The following FREM2 variants were observed in gnomAD, a reference collection of about 807,000 sequenced individuals.
FREM2 encodes the protein FRAS1-related extracellular matrix protein 2.
In FREM2, 119 loss-of-function variants were observed where a neutral mutation model predicts 219.9. The observed-to-expected ratio is 0.54, with a 90% CI of 0.47 to 0.63. The LOEUF is 0.63. FREM2 is among the 30% of genes least tolerant of loss of function. The probability of loss-of-function intolerance (pLI) is 0.00; values close to 1 mark genes in which losing one functional copy is unlikely to be tolerated. For synonymous variants in FREM2, 1,562 were observed against 1,522.8 expected (o/e 1.03, Z -0.60); for missense variants, 4,030 against 3,993.6 (o/e 1.01, Z -0.25).
chr13:38,699,827 A>G (rs926812751), intron 2 of FREM2, among the ~76,000 whole-genome samples: 1 of 152,142 alleles, frequency 6.6e-6, no homozygotes, highest in Non-Finnish European at 1.5e-5. Flanking sequence ...GCATTGCCGT[A>G]TAAATCTTCT....
rs1399280099 is a variant in FREM2 at position 38,872,846 on chromosome 13, G to T, written c.8088G>T (p.Leu2696Phe). 1 of 1,614,010 alleles carries T rather than the reference G, an allele frequency of 6.2e-7. No individual in the cohort carries two copies. The highest frequency in any genetic ancestry group is 1.7e-5 in the Admixed American group (1 of 60,012). Residue 2696 changes from leucine (L) to phenylalanine (F), a missense_variant, in exon 17 of 24, where the codon TTG (leucine) becomes TTT (phenylalanine). Leu to Phe is a conservative substitution (Grantham distance 22). Around this residue, in one of 2 missense-constraint regions of FREM2, gnomAD observed 928 missense variants for 1,042.9 expected, o/e 0.89. Transcript: ENST00000280481. The stretch of plus-strand genomic sequence containing the variant: ...TAGGAGGCTGGCAGCATTTTGACTT[G>T]AAGTCAGAGCTTCGTCTAACTTTTG... ...VGVGGWQHFD[L>F]KSELRLTFVY... is the part of the protein sequence containing the mutation.
chr13:38,780,536 T>C (rs933670693), intron 4 of FREM2, among the ~76,000 whole-genome samples: 6 of 152,220 alleles, frequency 3.9e-5, no homozygotes, highest in African/African-American at 4.8e-5. Flanking sequence ...TCACAACTTA[T>C]GTTCTTAAAG....
Position 38,880,885 on chromosome 13 carries a change from G to A in FREM2, c.*98G>A. 1 of 1,374,938 alleles carries A rather than the reference G, an allele frequency of 7.3e-7. No homozygotes were observed. Among genetic ancestry groups the A allele is most frequent in the South Asian group, 1.2e-5 (1 of 82,212 alleles). The allele number at this position is 1,374,938 out of a possible 1,614,324, so 85.2% of individuals were successfully genotyped here. On this transcript the variant is annotated 3_prime_UTR_variant, in exon 24 of 24. Transcript: ENST00000280481. ...GGTAAACCATAGAGAATGGAGGATG[G>A]CTGTGATGAAGCTGCTTAGAGAATA...
chr13:38,857,818 A>T, intron 12 of FREM2, 57 bp from the exon 13 acceptor site: 1 of 1,415,642 alleles, frequency 7.1e-7, no homozygotes, highest in Non-Finnish European at 1.0e-6. Flanking sequence ...TCTGTGTGGT[A>T]GAAGCATCAA....
At chr13:38,716,235 T>C (rs1368896015) in intron 2 of FREM2, among the ~76,000 whole-genome samples, 1 of 152,172 alleles carries the variant, frequency 6.6e-6, no homozygotes, top group Non-Finnish European at 1.5e-5. Flanking sequence ...TACTACCTTT[T>C]CTTCACTGCT....
intron 2 of FREM2, among the ~76,000 whole-genome samples, chr13:38,707,863 A>G (rs1030193612): frequency 1.3e-5 from 2 of 152,228 alleles, no homozygotes; most frequent in Non-Finnish European, 2.9e-5. Context: ...TATGAAAGGT[A>G]GGCTACATTT....
intron 6 of FREM2, among the ~76,000 whole-genome samples, chr13:38,810,822 T>C (rs1875447693): frequency 6.6e-6 from 1 of 151,972 alleles, no homozygotes; most frequent in Non-Finnish European, 1.5e-5. Context: ...AGGATAATGA[T>C]AGAATGAGTT....
At chr13:38,873,451 A>G (rs1246735305) in intron 17 of FREM2, among the ~76,000 whole-genome samples, 11 of 152,214 alleles carry the variant, frequency 7.2e-5, no homozygotes, top group Admixed American at 7.2e-4. Context: ...TCTGAATGAT[A>G]GACACAACTT....
At chr13:38,794,613 A>T (rs1338384297) in intron 6 of FREM2, among the ~76,000 whole-genome samples, 1 of 151,546 alleles carries the variant, frequency 6.6e-6, no homozygotes, top group Non-Finnish European at 1.5e-5. Context: ...TTCAGTTTCC[A>T]TGGGTTTGAA....
intron 6 of FREM2, among the ~76,000 whole-genome samples, chr13:38,797,101 C>T (rs1451624708): frequency 6.7e-6 from 1 of 149,774 alleles, no homozygotes; most frequent in Non-Finnish European, 1.5e-5. Flanking sequence ...TGGTCTAGAA[C>T]TCCTGACTCA....
At chr13:38,869,972 G>C (rs1471391502) in intron 16 of FREM2, among the ~76,000 whole-genome samples, 10 of 152,096 alleles carry the variant, frequency 6.6e-5, no homozygotes, top group East Asian at 5.8e-4. Flanking sequence ...TGATAACATC[G>C]TTCAGTGTGC....
intron 17 of FREM2, 65 bp downstream of exon 17, chr13:38,872,999 T>C (rs570947733): frequency 6.9e-7 from 1 of 1,441,870 alleles, no homozygotes; most frequent in East Asian, 2.3e-5. Context: ...TAAGACGATT[T>C]TTTTTTGCCA....
rs1353834702 is a variant in FREM2 at position 38,690,305 on chromosome 13, T to G, written c.2961T>G (p.Asp987Glu). Residue 987 changes from aspartate (D) to glutamate (E), a missense_variant, in exon 1 of 24, where the codon GAT becomes GAG. Physicochemically the swap from Asp to Glu is conservative, Grantham distance 45 (BLOSUM62 2). Transcript: ENST00000280481. ...TGATGTTGACTTTCCTCTTGGAAGA[T>G]CCACCTTTGTATGGGGAAATCTTGG... ...DDLMLTFLLE[D>E]PPLYGEILVN... The G allele has an allele frequency of 6.2e-7, 1 of 1,614,198 alleles. No individual in the cohort carries two copies. Among genetic ancestry groups the G allele is most frequent in the Non-Finnish European group, 8.5e-7 (1 of 1,180,014 alleles).
chr13:38,736,023 G>T (rs1871977241), intron 2 of FREM2, among the ~76,000 whole-genome samples: 1 of 152,134 alleles, frequency 6.6e-6, no homozygotes, highest in Non-Finnish European at 1.5e-5. Context: ...GAGGCCTTGT[G>T]CAGAACTGAG....
In FREM2 at chr13:38,861,293, G is replaced by A; in HGVS notation, c.7520-138G>A. The A allele has an allele frequency of 3.7e-6, 3 of 815,974 alleles. No individual in the cohort carries two copies. The South Asian group carries it at 4.5e-5, about 12-fold the overall frequency. The allele number at this position is 815,974 out of a possible 1,614,324, so 50.5% of individuals were successfully genotyped here. On this transcript the variant is annotated intron_variant, in intron 14 of 23. Coordinates refer to ENST00000280481, the MANE Select transcript of FREM2 (RefSeq NM_207361.6). Reference sequence around the variant, plus strand: ...GACTTCTAATTCCTTATCACGTGATGTACACTCTTAGCCATGCCCTACTCC... The same window carrying A: ...GACTTCTAATTCCTTATCACGTGATATACACTCTTAGCCATGCCCTACTCC...
intron 2 of FREM2, among the ~76,000 whole-genome samples, chr13:38,733,296 T>C (rs538440817): frequency 7.6e-6 from 1 of 131,884 alleles, no homozygotes; most frequent in East Asian, 2.2e-4. Context: ...GGAGCCTCTG[T>C]TGACTTCGGA....
At chr13:38,819,464 G>T (rs1333371631) in intron 6 of FREM2, among the ~76,000 whole-genome samples, 1 of 152,156 alleles carries the variant, frequency 6.6e-6, no homozygotes, top group Non-Finnish European at 1.5e-5. Context: ...ACAGGGAGCT[G>T]TGGCAGGACA....
Position 38,697,781 on chromosome 13 carries a change from G to A in FREM2, c.5257G>A (p.Asp1753Asn). The A allele has an allele frequency of 6.3e-7, 1 of 1,589,792 alleles. No homozygotes were observed. The highest frequency in any genetic ancestry group is 8.6e-7 in the Non-Finnish European group (1 of 1,157,790). The change falls in exon 2 of 24, where the codon GAT (aspartate) becomes AAT (asparagine). Residue 1753 changes from aspartate to asparagine, a missense_variant. Physicochemically the swap from Asp to Asn is conservative, Grantham distance 23. Transcript: ENST00000280481. ...TSDMFYFAVE[D>N]GGGNKLTYQN... ...TGATATGTTCTATTTTGCAGTTGAA[G>A]ATGGTGGTAAGTATTCCCCTCTCCT...
intron 2 of FREM2, among the ~76,000 whole-genome samples, chr13:38,750,825 T>A (rs1872719566): frequency 6.6e-6 from 1 of 152,110 alleles, no homozygotes; most frequent in South Asian, 2.1e-4. Context: ...CCCAAGTAGC[T>A]GGTATTACAG....
Sources: allele counts gnomAD v4.1 joint callset (sites outside exome capture counted in the v4.1 genomes callset), GRCh38; gene constraint gnomAD v4.1.1; regional missense constraint gnomAD v4.1.1; transcripts MANE v1.5; gene names NCBI Gene and HGNC (gene_info 2026-07-23, HGNC 2026-07-21).